MED12L: variants seen among roughly 807,000 people sequenced by gnomAD.
MED12L encodes the protein mediator of RNA polymerase II transcription subunit 12-like protein.
MED12L carries 60 observed loss-of-function variants against 281.3 expected under a neutral mutation model. The ratio of observed to expected loss-of-function variants is 0.21; its 90% CI spans 0.17 to 0.26. The LOEUF is 0.26. Ranked by LOEUF, MED12L falls within the 10% of genes least tolerant of loss-of-function variation. The probability of loss-of-function intolerance (pLI) is 1.00; values close to 1 mark genes in which losing one functional copy is unlikely to be tolerated. For missense variants in MED12L, 2,146 were observed against 2,680.9 expected (o/e 0.80, Z 4.41); for synonymous variants, 974 against 987.2 (o/e 0.99, Z 0.25).
rs550268827 is a variant in MED12L at position 151,250,692 on chromosome 3, A to G, written c.2250+57026A>G. On this transcript the variant is annotated intron_variant, in intron 16 of 44. Coordinates refer to ENST00000687756, the MANE Select transcript of MED12L (RefSeq NM_001393769.1). The stretch of plus-strand genomic sequence containing the variant: ...TGTCCATAGTCCTTGGGTAGCATCC[A>G]CCTTTTGGCTATTGTGAACAATGCT... Among the ~76,000 whole-genome samples, 11 of 152,288 alleles carry G rather than the reference A, an allele frequency of 7.2e-5. No individual in the cohort carries two copies. The South Asian group carries it at 2.1e-3, about 29-fold the overall frequency.
chr3:151,258,902 C>T (rs1738342997), intron 16 of MED12L, among the ~76,000 whole-genome samples: 1 of 148,460 alleles, frequency 6.7e-6, no homozygotes, highest in African/African-American at 2.5e-5. Flanking sequence ...GTAGAGGAGG[C>T]TTTGTGGATG....
rs541404670 is a variant in MED12L at position 151,255,089 on chromosome 3, G to A, written c.2250+61423G>A. ...TGTATTCATTTAAAAATGTAGAGAA[G>A]CGCTTAAAAGATAGGAACTTTCGAG... On this transcript the variant is annotated intron_variant, in intron 16 of 44. Coordinates refer to ENST00000687756, the MANE Select transcript of MED12L (RefSeq NM_001393769.1). Among the ~76,000 whole-genome samples, 11 of 152,084 alleles carry A rather than the reference G, an allele frequency of 7.2e-5. No homozygotes were observed. In the South Asian group the frequency reaches 2.3e-3, roughly 32 times the overall value.
At chr3:151,289,456 A>C (rs1342882478) in intron 16 of MED12L, among the ~76,000 whole-genome samples, 1 of 152,248 alleles carries the variant, frequency 6.6e-6, no homozygotes, top group African/African-American at 2.4e-5. Flanking sequence ...GATATGGTTC[A>C]GGTTTTTTGC....
chr3:151,300,420 T>C (rs923759754), intron 16 of MED12L, among the ~76,000 whole-genome samples: 9 of 152,328 alleles, frequency 5.9e-5, no homozygotes, highest in Middle Eastern at 3.4e-3. Context: ...ATTTCTGAGC[T>C]TTGCATTCTT....
intron 2 of MED12L, among the ~76,000 whole-genome samples, chr3:151,087,909 C>T (rs1326493166): frequency 6.6e-6 from 1 of 151,820 alleles, no homozygotes; most frequent in Non-Finnish European, 1.5e-5. Flanking sequence ...TTTTGATCAC[C>T]TGCTACCCAG....
At chr3:151,245,878 T>C (rs1464689962) in intron 16 of MED12L, among the ~76,000 whole-genome samples, 16 of 151,680 alleles carry the variant, frequency 1.1e-4, no homozygotes, top group East Asian at 7.8e-4. Flanking sequence ...ACCCCATCGT[T>C]TCAGCCCAAA....
chr3:151,242,524 C>A (rs1223514859), intron 16 of MED12L, among the ~76,000 whole-genome samples: 1 of 151,824 alleles, frequency 6.6e-6, no homozygotes, highest in African/African-American at 2.4e-5. Flanking sequence ...CCTCACACAG[C>A]AGGGTATTCC....
intron 16 of MED12L, among the ~76,000 whole-genome samples, chr3:151,220,376 G>A (rs112093202): frequency 2.6e-5 from 4 of 152,162 alleles, no homozygotes; most frequent in African/African-American, 9.6e-5. Context: ...AAACCAGTGA[G>A]TGCTCCCTAA....
chr3:151,217,658 G>T (rs1728506484), intron 16 of MED12L, among the ~76,000 whole-genome samples: 1 of 152,162 alleles, frequency 6.6e-6, no homozygotes, highest in Non-Finnish European at 1.5e-5. Flanking sequence ...GCCACTGTCT[G>T]GTTTGATACA....
chr3:151,357,470 G>A (rs1754069480), intron 20 of MED12L, 94 bp downstream of exon 20: 1 of 1,123,484 alleles, frequency 8.9e-7, no homozygotes, highest in Non-Finnish European at 1.2e-6. Flanking sequence ...AAATAGTACT[G>A]ATACCTGTTT....
chr3:151,101,970 C>T (rs1232351264), intron 2 of MED12L, among the ~76,000 whole-genome samples: 1 of 152,146 alleles, frequency 6.6e-6, no homozygotes, highest in South Asian at 2.1e-4. Context: ...GAACACTGTT[C>T]AGCTAGGATA....
rs765820353 is a variant in MED12L, at chr3:151,411,386, T to C, written c.6019T>C (p.Tyr2007His). ...VLSPSYNSRA[Y>H]PAAHSNPVLM... ...GTCTCCCAGCTATAACTCCAGAGCC[T>C]ATCCGGCCGCACATTCCAACCCCGT... The change falls in exon 41 of 45, where the codon TAT becomes CAT. Residue 2007 changes from tyrosine (Y) to histidine (H), a missense_variant. Around this residue, in one of 9 missense-constraint regions of MED12L, gnomAD observed 496 missense variants for 512.0 expected, o/e 0.97. Transcript: ENST00000687756. The C allele has an allele frequency of 1.2e-6, 2 of 1,614,160 alleles. No individual in the cohort carries two copies. The highest frequency in any genetic ancestry group is 1.1e-5 in the South Asian group (1 of 91,086).
At chr3:151,363,229 A>T (rs969553378) in intron 21 of MED12L, among the ~76,000 whole-genome samples, 12 of 152,180 alleles carry the variant, frequency 7.9e-5, no homozygotes, top group Non-Finnish European at 2.9e-5. Flanking sequence ...AAAGAGAAAT[A>T]CAACTTTCTT....
intron 2 of MED12L, among the ~76,000 whole-genome samples, chr3:151,098,267 G>C (rs924294393): frequency 6.6e-6 from 1 of 152,208 alleles, no homozygotes; most frequent in African/African-American, 2.4e-5. Context: ...CAGTGCCTCT[G>C]AGGGTCATAT....
In MED12L at chr3:151,355,204, C is replaced by T; in HGVS notation, c.2482C>T (p.Leu828Phe). The T allele has an allele frequency of 6.2e-7, 1 of 1,613,488 alleles. No homozygotes were observed. The highest frequency in any genetic ancestry group is 8.5e-7 in the Non-Finnish European group (1 of 1,179,588). Residue 828 changes from leucine to phenylalanine, a missense_variant, in exon 18 of 45, where the codon CTT (leucine) becomes TTT (phenylalanine). By Grantham distance (22) the Leu-to-Phe change is conservative. Around this residue, in one of 9 missense-constraint regions of MED12L, gnomAD observed 404 missense variants for 603.5 expected, o/e 0.67. Transcript: ENST00000687756. Reference sequence around the variant, plus strand: ...GACTGTGTTCACTAAACTCCAGCTCCTTTCATATTTTGATCAACATCAAGT... The same window carrying T: ...GACTGTGTTCACTAAACTCCAGCTCTTTTCATATTTTGATCAACATCAAGT... Reference protein sequence around the residue: ...LETVFTKLQLLSYFDQHQVTS... With the variant: ...LETVFTKLQLFSYFDQHQVTS...
At chr3:151,181,477 C>G (rs910821622) in intron 11 of MED12L, among the ~76,000 whole-genome samples, 6 of 149,138 alleles carry the variant, frequency 4.0e-5, no homozygotes, top group African/African-American at 1.5e-4. Context: ...CCTCGAACTT[C>G]TGGGCTCAAG....
intron 3 of MED12L, among the ~76,000 whole-genome samples, chr3:151,121,222 T>C (rs1713704241): frequency 6.6e-6 from 1 of 152,214 alleles, no homozygotes; most frequent in African/African-American, 2.4e-5. Context: ...TTTTCCTACA[T>C]TTTTGCACTT....
chr3:151,128,647 G>A (rs1299702202), intron 5 of MED12L, among the ~76,000 whole-genome samples: 1 of 152,168 alleles, frequency 6.6e-6, no homozygotes, highest in Non-Finnish European at 1.5e-5. Flanking sequence ...CTTCATTGCA[G>A]CTTTGGCTCA....
Position 151,179,192 on chromosome 3 carries a change from T to A in MED12L, c.1495-6138T>A, listed in dbSNP as rs193245275. ...CCATCTCTACTAAAAGTACAAAAAT[T>A]AGCCAGGCGAGGTGGCACCCACCTG... On this transcript the variant is annotated intron_variant, in intron 11 of 44. Coordinates refer to ENST00000687756, the MANE Select transcript of MED12L (RefSeq NM_001393769.1). 1.3e-4 allele frequency among the ~76,000 whole-genome samples: 20 copies of A among 152,140 alleles called. No individual in the cohort carries two copies. In the East Asian group the frequency reaches 3.9e-3, roughly 29 times the overall value.
Sources: allele counts gnomAD v4.1 joint callset (sites outside exome capture counted in the v4.1 genomes callset), GRCh38; gene constraint gnomAD v4.1.1; regional missense constraint gnomAD v4.1.1; transcripts MANE v1.5; gene names NCBI Gene and HGNC (gene_info 2026-07-23, HGNC 2026-07-21).